CEP350: variants seen among roughly 807,000 people sequenced by gnomAD.
CEP350 encodes centrosomal protein 350.
A neutral mutation model predicts 331.8 loss-of-function variants in CEP350; 126 were observed. That is an observed-to-expected ratio of 0.38 (90% CI 0.33 to 0.44). The LOEUF is 0.44. Among genes scored for constraint, CEP350 ranks in the 20% least tolerant of loss-of-function variants. The pLI, the probability that CEP350 is intolerant of heterozygous loss-of-function variation, is 1.00. For missense variants in CEP350, 3,406 were observed against 3,634.6 expected, an observed-to-expected ratio of 0.94 and a Z score of 1.62; for synonymous variants, 1,200 against 1,259.5, an observed-to-expected ratio of 0.95 and a Z score of 1.00.
At chr1:180,017,151 G>A (rs145709742) in intron 11 of CEP350, among the ~76,000 whole-genome samples, 21 of 152,154 alleles carry the variant, frequency 1.4e-4, no homozygotes, top group African/African-American at 5.1e-4. Context: ...GGTAATTGAG[G>A]CCTAGAAAGC....
chr1:180,020,172 G>A lies in CEP350; in HGVS notation c.2398G>A (p.Val800Met), dbSNP rs1316399540. The change falls in exon 12 of 38, where the codon GTG becomes ATG. Residue 800 changes from valine to methionine, a missense_variant. This residue lies in a region of CEP350 where 1,857 missense variants were observed against 1,909.2 expected (regional missense o/e 0.97). Coordinates refer to ENST00000367607, the MANE Select transcript of CEP350 (RefSeq NM_014810.5). ...RPLTFTPQPYVTSPAAYTDAL... is the reference protein window; with the variant it reads ...RPLTFTPQPYMTSPAAYTDAL... ...ATTAACTTTTACACCTCAACCATAT[G>A]TGACCTCACCAGCTGCTTATACAGA... is the stretch of plus-strand genomic sequence containing the variant. 2.5e-6 allele frequency: 4 copies of A among 1,614,012 alleles called. No homozygotes were observed. In the East Asian group the frequency reaches 8.9e-5, roughly 36 times the overall value.
chr1:180,076,074 C>T (rs1221289981), intron 28 of CEP350, among the ~76,000 whole-genome samples: 1 of 151,850 alleles, frequency 6.6e-6, no homozygotes, highest in Non-Finnish European at 1.5e-5. Context: ...GATAAGAGAA[C>T]CCTCCTGATT....
At position 180,006,484 on chromosome 1, in the gene CEP350, A is replaced by T; in HGVS notation, c.1163A>T (p.Glu388Val). The T allele has an allele frequency of 6.5e-7, 1 of 1,544,436 alleles. No individual in the cohort carries two copies. Among genetic ancestry groups the T allele is most frequent in the Non-Finnish European group, 8.8e-7 (1 of 1,139,306 alleles). The change falls in exon 8 of 38, where the codon GAA becomes GTA. Residue 388 changes from glutamate to valine, a missense_variant. Glu to Val is a moderately radical substitution (Grantham distance 121). Coordinates refer to ENST00000367607, the MANE Select transcript of CEP350 (RefSeq NM_014810.5). ...ATTTCTATAAAGGAGAAACCTGCTG[A>T]AAAAAGTAAAGAGAAGAAAGTAGTC... ...DDISIKEKPAEKSKEKKVVKP... is the reference protein window; with the variant it reads ...DDISIKEKPAVKSKEKKVVKP...
intron 19 of CEP350, among the ~76,000 whole-genome samples, chr1:180,042,329 C>T (rs1224887173): frequency 6.6e-6 from 1 of 152,158 alleles, no homozygotes; most frequent in Non-Finnish European, 1.5e-5. Flanking sequence ...TCTTCTATAA[C>T]GTGGGTATAG....
rs769314001 is a variant in CEP350, at chr1:180,020,738, T to A, written c.2964T>A (p.Leu988=). The A allele has an allele frequency of 1.9e-6, 3 of 1,613,976 alleles. No individual in the cohort carries two copies. Among genetic ancestry groups the A allele is most frequent in the Non-Finnish European group, 2.5e-6 (3 of 1,179,884 alleles). The part of the protein sequence containing the change: ...SIDSVSEGPL[L]SEGSLSEEEG... ...ATTCAGTCAGTGAAGGGCCTCTTCT[T>A]AGTGAGGGGAGTCTCTCTGAAGAAG... The change falls in exon 12 of 38, where the codon CTT becomes CTA. Residue 988 remains leucine (L), a synonymous_variant. Transcript: ENST00000367607.
intron 36 of CEP350, among the ~76,000 whole-genome samples, chr1:180,098,259 G>T (rs1050689131): frequency 6.6e-6 from 1 of 152,082 alleles, no homozygotes; most frequent in African/African-American, 2.4e-5. Context: ...GTGAGCCACC[G>T]CACCCAGCAT....
At chr1:180,105,684 A>G (rs1039294715) in intron 37 of CEP350, among the ~76,000 whole-genome samples, 2 of 152,132 alleles carry the variant, frequency 1.3e-5, no homozygotes, top group Admixed American at 1.3e-4. Flanking sequence ...TATCATATTT[A>G]TTGATTGTGT....
chr1:179,995,963 T>C (rs1239898531), intron 5 of CEP350, among the ~76,000 whole-genome samples: 1 of 152,222 alleles, frequency 6.6e-6, no homozygotes, highest in Non-Finnish European at 1.5e-5. Flanking sequence ...AGAACTTTTT[T>C]CTCTGGTACT....
Position 179,973,039 on chromosome 1 carries a change from T to A in CEP350, c.-13-13130T>A, listed in dbSNP as rs112272601. 9.9e-3 allele frequency among the ~76,000 whole-genome samples: 1,512 copies of A among 152,036 alleles called. 27 individuals are homozygous for A. The highest frequency in any genetic ancestry group is 0.032 in the African/African-American group (1,344 of 41,440). The stretch of plus-strand genomic sequence containing the variant: ...CCCACCACCACACCCCTTTAATTTT[T>A]TGTATTTTTAGTAGAGACGGGGTTT... On this transcript the variant is annotated intron_variant, in intron 1 of 37. Coordinates refer to ENST00000367607, the MANE Select transcript of CEP350 (RefSeq NM_014810.5).
intron 1 of CEP350, 24 bp downstream of exon 1, chr1:179,955,166 G>A: frequency 7.1e-7 from 1 of 1,402,050 alleles, no homozygotes; most frequent in South Asian, 1.3e-5. Context: ...GGACCTGGCT[G>A]GGACCGCGGA....
In CEP350 at chr1:180,095,852, C is replaced by T; in HGVS notation, c.8841C>T (p.Ile2947=). The T allele has an allele frequency of 6.2e-7, 1 of 1,613,764 alleles. No individual in the cohort carries two copies. Among genetic ancestry groups the T allele is most frequent in the Non-Finnish European group, 8.5e-7 (1 of 1,179,800 alleles). Residue 2947 remains isoleucine (I), a synonymous_variant, in exon 35 of 38, where the codon ATC becomes ATT. Coordinates refer to ENST00000367607, the MANE Select transcript of CEP350 (RefSeq NM_014810.5). Reference sequence around the variant, plus strand: ...AATTAGGCCACGATCTTCATAGCATCAGTATTCCTACAAAACTGCTTGGCT... The same window carrying T: ...AATTAGGCCACGATCTTCATAGCATTAGTATTCCTACAAAACTGCTTGGCT... The part of the protein sequence containing the change: ...WKELGHDLHS[I]SIPTKLLGCA...
At chr1:180,024,798 T>A (rs1655558139) in intron 14 of CEP350, among the ~76,000 whole-genome samples, 1 of 152,154 alleles carries the variant, frequency 6.6e-6, no homozygotes, top group South Asian at 2.1e-4. Context: ...TGATAAAAAA[T>A]TAAAAATTAG....
At chr1:180,103,388 A>G (rs1443264386) in intron 37 of CEP350, among the ~76,000 whole-genome samples, 3 of 149,172 alleles carry the variant, frequency 2.0e-5, no homozygotes, top group Non-Finnish European at 3.0e-5. Context: ...TCTTCGTTAG[A>G]AAAAAAAAAA....
At chr1:179,965,420 G>A (rs1348866199) in intron 1 of CEP350, among the ~76,000 whole-genome samples, 1 of 152,098 alleles carries the variant, frequency 6.6e-6, no homozygotes, top group East Asian at 1.9e-4. Flanking sequence ...GTTTGGTCAA[G>A]TGTCTAAGTC....
intron 6 of CEP350, among the ~76,000 whole-genome samples, chr1:180,002,903 A>G (rs1230943173): frequency 1.3e-5 from 2 of 152,190 alleles, no homozygotes; most frequent in African/African-American, 4.8e-5. Context: ...AAATCCATAA[A>G]GATAGAATTA....
At chr1:180,003,028 T>C in intron 6 of CEP350, 146 bp from the exon 7 acceptor site, 1 of 583,776 alleles carries the variant, frequency 1.7e-6, no homozygotes, top group Non-Finnish European at 3.0e-6. Context: ...TTGTGCAATT[T>C]TGTGAATATA....
chr1:180,090,677 A>T, intron 32 of CEP350, 37 bp from the exon 33 acceptor site: 3 of 1,510,510 alleles, frequency 2.0e-6, no homozygotes, highest in Non-Finnish European at 2.7e-6. Context: ...TATTATAGTA[A>T]TATGTTTATT....
intron 27 of CEP350, among the ~76,000 whole-genome samples, chr1:180,071,633 A>C (rs1450671120): frequency 1.3e-5 from 2 of 151,690 alleles, no homozygotes; most frequent in African/African-American, 4.9e-5. Flanking sequence ...AAATACAAAA[A>C]TTAGCCGGGC....
rs1427721385 is a variant in CEP350, at chr1:180,094,533, C to G, written c.8428C>G (p.Pro2810Ala). The stretch of plus-strand genomic sequence containing the variant: ...ATCCCAAAATGTTGAGGAACAGTCG[C>G]CAAGTATTTCAGGTTGCTTCTTAAG... ...DLSQNVEEQS[P>A]SISGCFLSSE... The change falls in exon 34 of 38, where the codon CCA (proline) becomes GCA (alanine). Residue 2810 changes from proline to alanine, a missense_variant. Physicochemically the swap from Pro to Ala is conservative, Grantham distance 27 (BLOSUM62 -1). Transcript: ENST00000367607. 6.2e-7 allele frequency: 1 copy of G among 1,613,712 alleles called. No individual in the cohort carries two copies.
Sources: gnomAD v4.1 joint callset for allele counts (sites outside exome capture counted in the v4.1 genomes callset) on GRCh38, gnomAD v4.1.1 for gene constraint, gnomAD v4.1.1 regional missense constraint, MANE v1.5 for transcripts, NCBI Gene and HGNC (gene_info 2026-07-23, HGNC 2026-07-21) for gene names.